RBM25: variants seen among roughly 807,000 people sequenced by gnomAD.
RBM25 encodes the protein RNA binding motif protein 25.
Under a neutral mutation model 120.7 loss-of-function variants are expected in RBM25, and 19 were observed. That is an observed-to-expected ratio of 0.16 (90% CI 0.11 to 0.23). RBM25 has a LOEUF of 0.23. RBM25 is among the 10% of genes least tolerant of loss of function. The probability of loss-of-function intolerance (pLI) is 1.00; values close to 1 mark genes in which losing one functional copy is unlikely to be tolerated. For missense variants in RBM25, 605 were observed against 1,041.5 expected, an observed-to-expected ratio of 0.58 and a Z score of 5.77; for synonymous variants, 390 against 326.7, an observed-to-expected ratio of 1.19 and a Z score of -2.09.
intron 1 of RBM25, among the ~76,000 whole-genome samples, chr14:73,070,822 A>G (rs1041880060): frequency 1.4e-5 from 2 of 144,330 alleles, no homozygotes; most frequent in African/African-American, 5.2e-5. Context: ...TGGCGCGCAC[A>G]TGTAATCCCA....
At chr14:73,067,677 C>A (rs1462794788) in intron 1 of RBM25, among the ~76,000 whole-genome samples, 1 of 150,020 alleles carries the variant, frequency 6.7e-6, no homozygotes, top group Non-Finnish European at 1.5e-5. Flanking sequence ...GATCTTGGCT[C>A]ACTGCAAGCT....
At chr14:73,069,249 C>T (rs564735228) in intron 1 of RBM25, among the ~76,000 whole-genome samples, 3 of 152,074 alleles carry the variant, frequency 2.0e-5, no homozygotes, top group East Asian at 3.9e-4. Context: ...GCAATTATAA[C>T]GAGGGAGAAA....
At chr14:73,094,135 G>GGTAGAGAC in intron 6 of RBM25, among the ~76,000 whole-genome samples, 1 of 150,532 alleles carries the variant, frequency 6.6e-6, no homozygotes, top group Middle Eastern at 3.4e-3. Flanking sequence ...TTGTATTTTT[G>GGTAGAGAC]GTAGAGACGG....
intron 6 of RBM25, among the ~76,000 whole-genome samples, chr14:73,089,424 G>C (rs1473820973): frequency 6.6e-6 from 1 of 150,508 alleles, no homozygotes; most frequent in Non-Finnish European, 1.5e-5. Context: ...GTGCGATCTT[G>C]GCTCACTGCA....
At position 73,121,070 on chromosome 14, in the gene RBM25, G is replaced by C. The variant is rs911718707; in HGVS notation, c.*1265G>C. 5 of 152,350 alleles carry C rather than the reference G, an allele frequency of 3.3e-5. No homozygotes were observed. The highest frequency in any genetic ancestry group is 7.2e-5 in the African/African-American group (3 of 41,448). 9.4% of individuals were successfully genotyped at this position (152,350 alleles called of 1,614,324 possible). Reference sequence around the variant, plus strand: ...CCAGGGAGTAAAATTACCTGAAAACGTAAGAAGTTTTAAACAGCTTTTCAC... The same window carrying C: ...CCAGGGAGTAAAATTACCTGAAAACCTAAGAAGTTTTAAACAGCTTTTCAC... On this transcript the variant is annotated 3_prime_UTR_variant, in exon 19 of 19. Coordinates refer to ENST00000261973, the MANE Select transcript of RBM25 (RefSeq NM_021239.3).
intron 4 of RBM25, 97 bp downstream of exon 4, chr14:73,077,633 T>TA: frequency 8.4e-7 from 1 of 1,194,914 alleles, no homozygotes; most frequent in Non-Finnish European, 1.1e-6. Context: ...CTTTTTATTT[T>TA]AAAAAATTTC....
At chr14:73,064,691 G>A (rs974082673) in intron 1 of RBM25, among the ~76,000 whole-genome samples, 1 of 151,018 alleles carries the variant, frequency 6.6e-6, no homozygotes. Context: ...CCGCGCCCAG[G>A]AGAGGCCAGT....
intron 2 of RBM25, 61 bp downstream of exon 2, chr14:73,071,808 C>A: frequency 1.5e-6 from 2 of 1,348,664 alleles, no homozygotes; most frequent in Non-Finnish European, 2.1e-6. Context: ...GTGATACTAA[C>A]TTCAGGAAAA....
At chr14:73,103,068 A>G (rs1896085711) in intron 9 of RBM25, 124 bp from the exon 10 acceptor site, 2 of 1,506,706 alleles carry the variant, frequency 1.3e-6, no homozygotes, top group South Asian at 1.4e-5. Flanking sequence ...TAAAACCACA[A>G]GTATTTAATA....
chr14:73,079,300 G>T (rs1381019193), intron 4 of RBM25, among the ~76,000 whole-genome samples: 1 of 150,532 alleles, frequency 6.6e-6, no homozygotes, highest in Non-Finnish European at 1.5e-5. Context: ...GTCGGTGCCT[G>T]CAATCCCAAC....
At position 73,111,171 on chromosome 14, in the gene RBM25, C is replaced by T; in HGVS notation, c.2017+16C>T. 6.4e-7 allele frequency: 1 copy of T among 1,570,652 alleles called. No individual in the cohort carries two copies. Among genetic ancestry groups the T allele is most frequent in the Non-Finnish European group, 8.7e-7 (1 of 1,143,988 alleles). ...CTTAAACTGGGTACGTTAGCATTTCCTTCCTTCTTTATTTTCTTCCCTTCA... is the reference window on the plus strand; with the variant it reads ...CTTAAACTGGGTACGTTAGCATTTCTTTCCTTCTTTATTTTCTTCCCTTCA... On this transcript the variant is annotated intron_variant, in intron 15 of 18. Transcript: ENST00000261973.
chr14:73,080,156 C>T (rs1187350233), intron 4 of RBM25, among the ~76,000 whole-genome samples: 1 of 147,374 alleles, frequency 6.8e-6, no homozygotes, highest in African/African-American at 2.5e-5. Context: ...TAATTCCACA[C>T]CAATTTATTT....
chr14:73,112,786 TTTTG>T (rs1006198845), intron 17 of RBM25, among the ~76,000 whole-genome samples: 8 of 151,462 alleles, frequency 5.3e-5, no homozygotes, highest in Non-Finnish European at 1.0e-4. Context: ...TTTTGTTTTG[TTTTG>T]TTTTTTGTTT....
intron 2 of RBM25, among the ~76,000 whole-genome samples, chr14:73,073,001 A>G (rs1895330270): frequency 6.6e-6 from 1 of 152,090 alleles, no homozygotes; most frequent in Admixed American, 6.6e-5. Context: ...ATCATGGCTC[A>G]CTGCAGCCTT....
chr14:73,087,089 A>C (rs1348226885), intron 5 of RBM25, among the ~76,000 whole-genome samples: 2 of 152,062 alleles, frequency 1.3e-5, no homozygotes, highest in Non-Finnish European at 2.9e-5. Flanking sequence ...TAATATCAGT[A>C]GTTTTTTTCT....
intron 9 of RBM25, 38 bp from the exon 10 acceptor site, chr14:73,103,154 A>G (rs1334385597): frequency 6.3e-7 from 1 of 1,585,162 alleles, no homozygotes; most frequent in Non-Finnish European, 8.5e-7. Context: ...TACTGGAGCT[A>G]CAGAGTTAAC....
chr14:73,113,550 G>T (rs568408346), intron 17 of RBM25, among the ~76,000 whole-genome samples: 107 of 151,986 alleles, frequency 7.0e-4, no homozygotes, highest in African/African-American at 2.5e-3. Flanking sequence ...AATTGGGTGC[G>T]CTGGGTGGCA....
At chr14:73,096,288 G>A (rs1331450189) in intron 6 of RBM25, among the ~76,000 whole-genome samples, 1 of 152,000 alleles carries the variant, frequency 6.6e-6, no homozygotes, top group Admixed American at 6.6e-5. Context: ...GAAAATTATT[G>A]ATAAAGACCT....
chr14:73,110,791 T>A, intron 14 of RBM25, 40 bp from the exon 15 acceptor site: 1 of 1,567,578 alleles, frequency 6.4e-7, no homozygotes, highest in Non-Finnish European at 8.6e-7. Context: ...AGTTGAATGG[T>A]GTAGAGTTGT....
Sources: gnomAD v4.1 joint callset for allele counts (sites outside exome capture counted in the v4.1 genomes callset) on GRCh38, gnomAD v4.1.1 for gene constraint, MANE v1.5 for transcripts, NCBI Gene and HGNC (gene_info 2026-07-23, HGNC 2026-07-21) for gene names.